The following SH3PXD2A variants were observed in gnomAD, a reference collection of about 807,000 sequenced individuals.
SH3PXD2A encodes the protein SH3 and PX domain-containing protein 2A.
Under a neutral mutation model 115.2 loss-of-function variants are expected in SH3PXD2A, and 32 were observed. The observed-to-expected ratio is 0.28, with a 90% CI of 0.21 to 0.37. SH3PXD2A has a LOEUF of 0.37. SH3PXD2A is among the 10% of genes least tolerant of loss of function. The pLI is 1.00. For missense variants in SH3PXD2A, 1,328 were observed against 1,498.7 expected (o/e 0.89, Z 1.88); for synonymous variants, 610 against 629.1 (o/e 0.97, Z 0.45).
chr10:103,691,408 T>A (rs1375094535), intron 6 of SH3PXD2A, among the ~76,000 whole-genome samples: 2 of 152,100 alleles, frequency 1.3e-5, no homozygotes, highest in African/African-American at 2.4e-5. Context: ...AGAGCCAGAA[T>A]TTGAGCCCAG....
chr10:103,677,617 G>T (rs1483920847), intron 6 of SH3PXD2A, among the ~76,000 whole-genome samples: 2 of 152,140 alleles, frequency 1.3e-5, no homozygotes, highest in Non-Finnish European at 2.9e-5. Flanking sequence ...TTTGTTCACT[G>T]ACTGTTCCCA....
intron 6 of SH3PXD2A, among the ~76,000 whole-genome samples, chr10:103,680,835 A>G (rs926418068): frequency 2.0e-5 from 3 of 152,164 alleles, no homozygotes; most frequent in Non-Finnish European, 4.4e-5. Context: ...GAAACAGACC[A>G]ATTCTAAAAA....
chr10:103,660,176 C>T (rs2037270611), intron 8 of SH3PXD2A, among the ~76,000 whole-genome samples: 1 of 152,182 alleles, frequency 6.6e-6, no homozygotes, highest in Non-Finnish European at 1.5e-5. Flanking sequence ...CATGCAAGCC[C>T]TGGGAGGCTG....
Position 103,671,228 on chromosome 10 carries a change from G to C in SH3PXD2A, c.428-2576C>G, listed in dbSNP as rs149922780. On this transcript the variant is annotated intron_variant, in intron 6 of 14. Coordinates refer to ENST00000369774, the MANE Select transcript of SH3PXD2A (RefSeq NM_001394015.1). Reference sequence around the variant, plus strand: ...CCAGAGAATAAACACTGTAGGCTTTGGGGGCCAGATGGTCTCTGTTGAGAC... The same window carrying C: ...CCAGAGAATAAACACTGTAGGCTTTCGGGGCCAGATGGTCTCTGTTGAGAC... Among the ~76,000 whole-genome samples, 746 of 152,328 alleles carry C rather than the reference G, an allele frequency of 4.9e-3. 10 individuals carry two copies. The highest frequency in any genetic ancestry group is 0.017 in the African/African-American group (706 of 41,564).
At chr10:103,839,046 A>C (rs2039571658) in intron 1 of SH3PXD2A, among the ~76,000 whole-genome samples, 1 of 152,220 alleles carries the variant, frequency 6.6e-6, no homozygotes, top group South Asian at 2.1e-4. Flanking sequence ...ACATCAGCAC[A>C]GATAAATGGT....
intron 3 of SH3PXD2A, among the ~76,000 whole-genome samples, chr10:103,766,139 G>A (rs947087522): frequency 2.6e-5 from 4 of 152,342 alleles, no homozygotes; most frequent in Admixed American, 6.5e-5. Context: ...CCCTACATCC[G>A]TTTTCAAGTC....
chr10:103,728,875 T>G (rs2038275888), intron 4 of SH3PXD2A, among the ~76,000 whole-genome samples: 1 of 134,558 alleles, frequency 7.4e-6, no homozygotes, highest in African/African-American at 3.1e-5. Context: ...AGCAAAGAGT[T>G]GTTTTTTTTG....
intron 5 of SH3PXD2A, among the ~76,000 whole-genome samples, chr10:103,714,973 C>A (rs2134161243): frequency 6.6e-6 from 1 of 152,304 alleles, no homozygotes; most frequent in East Asian, 1.9e-4. Flanking sequence ...GTGGTAGGGG[C>A]AGCCTCGCTC....
chr10:103,728,924 ACT>A (rs1258201311), intron 4 of SH3PXD2A, among the ~76,000 whole-genome samples: 1 of 139,338 alleles, frequency 7.2e-6, no homozygotes, highest in African/African-American at 2.8e-5. Context: ...ACAAAGTCTC[ACT>A]CTGTCACCCA....
At chr10:103,782,268 G>T (rs1322554224) in intron 2 of SH3PXD2A, among the ~76,000 whole-genome samples, 1 of 152,206 alleles carries the variant, frequency 6.6e-6, no homozygotes, top group South Asian at 2.1e-4. Flanking sequence ...TCAAACCCCA[G>T]GCGGACCTGC....
intron 3 of SH3PXD2A, among the ~76,000 whole-genome samples, chr10:103,758,392 C>G (rs1342593203): frequency 6.6e-6 from 1 of 152,182 alleles, no homozygotes; most frequent in Non-Finnish European, 1.5e-5. Flanking sequence ...ATTTCAGATG[C>G]CTTGAGCTGT....
intron 3 of SH3PXD2A, among the ~76,000 whole-genome samples, chr10:103,761,693 C>A (rs2038701079): frequency 6.6e-6 from 1 of 152,166 alleles, no homozygotes; most frequent in Non-Finnish European, 1.5e-5. Context: ...GCAATGACAG[C>A]CCGAGGGAGA....
intron 5 of SH3PXD2A, among the ~76,000 whole-genome samples, chr10:103,720,293 C>T (rs2038166292): frequency 6.6e-6 from 1 of 152,244 alleles, no homozygotes; most frequent in South Asian, 2.1e-4. Flanking sequence ...TGCTCTGTGC[C>T]AGGCTCATCA....
intron 6 of SH3PXD2A, among the ~76,000 whole-genome samples, chr10:103,671,611 G>T (rs2037460924): frequency 6.6e-6 from 1 of 152,210 alleles, no homozygotes. Context: ...AGCTCTCGAG[G>T]GGTGGGAAGG....
At chr10:103,622,360 G>T in intron 10 of SH3PXD2A, 110 bp downstream of exon 10, 1 of 717,914 alleles carries the variant, frequency 1.4e-6, no homozygotes, top group Middle Eastern at 2.4e-4. Context: ...CCGTGAATCT[G>T]GGTGAACAAG....
At chr10:103,699,502 A>G (rs538565727) in intron 5 of SH3PXD2A, among the ~76,000 whole-genome samples, 109 of 152,342 alleles carry the variant, frequency 7.2e-4, no homozygotes, top group African/African-American at 2.5e-3. Flanking sequence ...ATTATCTGTG[A>G]AACCTCCATA....
intron 2 of SH3PXD2A, among the ~76,000 whole-genome samples, chr10:103,785,785 A>C (rs2038974911): frequency 6.6e-6 from 1 of 151,796 alleles, no homozygotes; most frequent in African/African-American, 2.4e-5. Context: ...TGCAGACCAG[A>C]GCAGGCTTCC....
chr10:103,627,174 C>T lies in SH3PXD2A; in HGVS notation c.633G>A (p.Glu211=). The T allele has an allele frequency of 1.2e-6, 2 of 1,612,950 alleles. No homozygotes were observed. The highest frequency in any genetic ancestry group is 2.2e-5 in the South Asian group (2 of 91,054). ...SGWWFVSTSE[E]QGWVPATYLE... is the part of the protein sequence containing the mutation. ...GGTAGGTGGCAGGGACCCAGCCCTGCTCCTCAGAAGTGCTCACGAACCACC... is the reference window on the plus strand; with the variant it reads ...GGTAGGTGGCAGGGACCCAGCCCTGTTCCTCAGAAGTGCTCACGAACCACC... Residue 211 remains glutamate, a synonymous_variant, in exon 9 of 15, where the codon GAG becomes GAA. Coordinates refer to ENST00000369774, the MANE Select transcript of SH3PXD2A (RefSeq NM_001394015.1). This position sits in a 1 kb window ranked among gnomAD's most constrained non-coding sequence, Gnocchi z 4.4.
intron 1 of SH3PXD2A, among the ~76,000 whole-genome samples, chr10:103,817,586 C>G (rs963959221): frequency 1.3e-5 from 2 of 151,968 alleles, no homozygotes; most frequent in African/African-American, 4.8e-5. Context: ...TGTGATCTGC[C>G]TGCCTTGGCC....
Sources: gnomAD v4.1 joint callset for allele counts (sites outside exome capture counted in the v4.1 genomes callset) on GRCh38, gnomAD v4.1.1 for gene constraint, Gnocchi (gnomAD v3.1) non-coding constraint, MANE v1.5 for transcripts, NCBI Gene and HGNC (gene_info 2026-07-23, HGNC 2026-07-21) for gene names.